ESR2: variants seen among roughly 807,000 people sequenced by gnomAD.
ESR2 encodes the protein estrogen receptor 2.
ESR2 carries 36 observed loss-of-function variants against 49.6 expected under a neutral mutation model. That is an observed-to-expected ratio of 0.73 (90% CI 0.56 to 0.96). The LOEUF is 0.96. Among genes scored for constraint, ESR2 ranks in the 40% least tolerant of loss-of-function variants. The pLI, the probability that ESR2 is intolerant of heterozygous loss-of-function variation, is 0.00. For synonymous variants in ESR2, 320 were observed against 266.1 expected (o/e 1.20, Z -1.97); for missense variants, 714 against 693.0 (o/e 1.03, Z -0.34).
At chr14:64,281,250 C>A (rs1389465258) in intron 2 of ESR2, among the ~76,000 whole-genome samples, 1 of 152,080 alleles carries the variant, frequency 6.6e-6, no homozygotes, top group Non-Finnish European at 1.5e-5. Context: ...ACAAGGGATC[C>A]CCAGGCAGCC....
intron 1 of ESR2, among the ~76,000 whole-genome samples, chr14:64,337,709 C>T (rs1299537037): frequency 6.6e-6 from 1 of 152,154 alleles, no homozygotes; most frequent in Non-Finnish European, 1.5e-5. Flanking sequence ...TATCTAATTC[C>T]ATATGTGGGA....
chr14:64,338,295 A>T (rs1355443199), upstream of ESR2: 3 of 155,516 alleles, frequency 1.9e-5, no homozygotes, highest in Non-Finnish European at 4.4e-5. Flanking sequence ...GGCCTGAAAC[A>T]GGGGGCTGCG....
At chr14:64,311,742 GT>G (rs1049611591) in intron 1 of ESR2, among the ~76,000 whole-genome samples, 58 of 151,764 alleles carry the variant, frequency 3.8e-4, no homozygotes, top group Admixed American at 2.8e-3. Context: ...GAGCTCAAGA[GT>G]TCAAGGCTGC....
intron 1 of ESR2, among the ~76,000 whole-genome samples, chr14:64,313,400 GGTGCACACCT>G (rs2077206870): frequency 6.6e-6 from 1 of 151,874 alleles, no homozygotes; most frequent in Admixed American, 6.6e-5. Context: ...CAGATGTGGT[GGTGCACACCT>G]GTAGTCTCAG....
At chr14:64,258,174 A>G (rs1416672869) in intron 5 of ESR2, among the ~76,000 whole-genome samples, 1 of 151,986 alleles carries the variant, frequency 6.6e-6, no homozygotes, top group African/African-American at 2.4e-5. Flanking sequence ...ACGCCACTGC[A>G]CTCCAGCCTG....
At chr14:64,322,210 C>A (rs539423430) in intron 1 of ESR2, among the ~76,000 whole-genome samples, 3 of 152,204 alleles carry the variant, frequency 2.0e-5, no homozygotes, top group Admixed American at 2.0e-4. Context: ...AGGTACCCAC[C>A]ACCATGCCCA....
At chr14:64,233,568 A>G (rs759826213) in intron 8 of ESR2, 15 of 502,042 alleles carry the variant, frequency 3.0e-5, no homozygotes, top group Non-Finnish European at 5.0e-5. Flanking sequence ...ACATAGGACA[A>G]TCAATCCTCA....
At chr14:64,237,080 C>T (rs886822241) in intron 7 of ESR2, among the ~76,000 whole-genome samples, 9 of 152,112 alleles carry the variant, frequency 5.9e-5, no homozygotes, top group Admixed American at 1.3e-4. Context: ...CCTGCCTCAG[C>T]CTCCTTAGTA....
intron 1 of ESR2, among the ~76,000 whole-genome samples, chr14:64,288,986 CAAAA>C (rs35178946): frequency 3.6e-5 from 2 of 55,664 alleles, no homozygotes; most frequent in African/African-American, 5.1e-5. Context: ...AACTCTGTCT[CAAAA>C]AAAAAAAAAA....
intron 1 of ESR2, among the ~76,000 whole-genome samples, chr14:64,332,511 G>C (rs903844080): frequency 2.0e-5 from 3 of 152,006 alleles, no homozygotes; most frequent in African/African-American, 7.2e-5. Context: ...TATCAAAAAG[G>C]GTACTGTAAC....
intron 1 of ESR2, among the ~76,000 whole-genome samples, chr14:64,317,977 C>T (rs1184061045): frequency 6.6e-6 from 1 of 151,960 alleles, no homozygotes; most frequent in Non-Finnish European, 1.5e-5. Context: ...TTATTCAGTA[C>T]AATGCTAGAA....
At chr14:64,332,816 G>A (rs1596503773) in intron 1 of ESR2, among the ~76,000 whole-genome samples, 1 of 150,028 alleles carries the variant, frequency 6.7e-6, no homozygotes. Context: ...AAAAAAAAGG[G>A]TACCGTATAT....
chr14:64,311,995 G>A (rs578144943), intron 1 of ESR2, among the ~76,000 whole-genome samples: 129 of 152,188 alleles, frequency 8.5e-4, no homozygotes, highest in Non-Finnish European at 1.6e-3. Context: ...ATGTTTGATG[G>A]TTAAAGCAAA....
rs900958827 is a variant in ESR2, at chr14:64,229,189, C to G, written c.*3948G>C. 2.0e-5 allele frequency among the ~76,000 whole-genome samples: 3 copies of G among 152,072 alleles called. No homozygotes were observed. The highest frequency in any genetic ancestry group is 4.4e-5 in the Non-Finnish European group (3 of 68,002). On this transcript the variant is annotated 3_prime_UTR_variant, in exon 9 of 9. Coordinates refer to ENST00000341099, the MANE Select transcript of ESR2 (RefSeq NM_001437.3). ...TGTTGTGTAAAGGCTCATGCAGACC[C>G]ATCTAAGCTGAGGAGATGGGATCTA...
rs750231632 is a variant in ESR2, at chr14:64,283,014, T to G, written c.-29A>C. 6.3e-7 allele frequency: 1 copy of G among 1,586,382 alleles called. No homozygotes were observed. The highest frequency in any genetic ancestry group is 8.6e-7 in the Non-Finnish European group (1 of 1,165,704). ...TTGAGATAACAGCTGAGAAAACACC[T>G]TGCAAGAAGAGGCACAAAGGTCATT... is the stretch of plus-strand genomic sequence containing the variant. On this transcript the variant is annotated 5_prime_UTR_variant, in exon 2 of 9. Transcript: ENST00000341099.
chr14:64,318,537 CAAAAAAAAAAAAAAAA>C (rs58597271), intron 1 of ESR2, among the ~76,000 whole-genome samples: 1 of 32,426 alleles, frequency 3.1e-5, no homozygotes, highest in Non-Finnish European at 5.7e-5. Context: ...AACTCCATCT[CAAAAAAAAAAAAAAAA>C]AAAAAAAAAA....
intron 2 of ESR2, among the ~76,000 whole-genome samples, chr14:64,280,504 A>G (rs531583819): frequency 7.2e-5 from 11 of 152,208 alleles, no homozygotes; most frequent in Non-Finnish European, 1.5e-4. Context: ...TCTTACCCAC[A>G]GGTCTGAACC....
At chr14:64,288,549 C>T (rs923788272) in intron 1 of ESR2, among the ~76,000 whole-genome samples, 8 of 151,826 alleles carry the variant, frequency 5.3e-5, no homozygotes, top group African/African-American at 1.9e-4. Context: ...GGGGTTTCAC[C>T]ATGTTAGCCA....
At chr14:64,273,940 CTTTT>C (rs58123995) in intron 3 of ESR2, among the ~76,000 whole-genome samples, 12 of 134,648 alleles carry the variant, frequency 8.9e-5, no homozygotes, top group South Asian at 2.3e-4. Flanking sequence ...TGCTGAGAGA[CTTTT>C]TTTTTTTTTT....
Sources: allele counts gnomAD v4.1 joint callset (sites outside exome capture counted in the v4.1 genomes callset), GRCh38; gene constraint gnomAD v4.1.1; transcripts MANE v1.5; gene names NCBI Gene and HGNC (gene_info 2026-07-23, HGNC 2026-07-21).